Variants in CIT observed in about 807,000 individuals in gnomAD.
CIT encodes citron rho-interacting serine/threonine kinase, also known as citron Rho-interacting kinase.
CIT carries 79 observed loss-of-function variants against 272.7 expected under a neutral mutation model. The ratio of observed to expected loss-of-function variants is 0.29; its 90% CI spans 0.24 to 0.35. CIT has a LOEUF of 0.35. Among genes scored for constraint, CIT ranks in the 10% least tolerant of loss-of-function variants. The pLI, the probability that CIT is intolerant of heterozygous loss-of-function variation, is 1.00. For synonymous variants in CIT, 948 were observed against 995.6 expected (o/e 0.95, Z 0.90); for missense variants, 1,909 against 2,618.3 (o/e 0.73, Z 5.91).
intron 9 of CIT, among the ~76,000 whole-genome samples, chr12:119,808,032 G>C (rs908110701): frequency 6.6e-6 from 1 of 151,908 alleles, no homozygotes; most frequent in African/African-American, 2.4e-5. Context: ...TTTTGTTTTT[G>C]TTTTTGTTTT....
rs989925036 is a variant in CIT, at chr12:119,826,659, T to C, written c.754-1291A>G. Among the ~76,000 whole-genome samples the C allele has an allele frequency of 2.0e-5, 3 of 152,294 alleles. No individual in the cohort carries two copies. In the East Asian group the frequency reaches 5.8e-4, roughly 29 times the overall value. On this transcript the variant is annotated intron_variant, in intron 7 of 47. Transcript: ENST00000392521. ...CAGAGAGGCCCTGATTTTAGCTATATAGTGTGTTGGCCAGCTGTCCTATAA... is the reference window on the plus strand; with the variant it reads ...CAGAGAGGCCCTGATTTTAGCTATACAGTGTGTTGGCCAGCTGTCCTATAA...
chr12:119,818,482 T>C (rs192708237), intron 9 of CIT, among the ~76,000 whole-genome samples: 3 of 152,284 alleles, frequency 2.0e-5, no homozygotes, highest in African/African-American at 7.2e-5. Flanking sequence ...ATTGTCACTA[T>C]TGAGGGCCAG....
chr12:119,735,500 C>T, intron 24 of CIT, 143 bp from the exon 25 acceptor site: 1 of 737,610 alleles, frequency 1.4e-6, no homozygotes. Context: ...ACCGTGAGAG[C>T]CATGTCCAAG....
intron 28 of CIT, among the ~76,000 whole-genome samples, chr12:119,727,266 T>G (rs1958165434): frequency 6.6e-6 from 1 of 152,234 alleles, no homozygotes; most frequent in Non-Finnish European, 1.5e-5. Flanking sequence ...AAGTATTACA[T>G]GACCCCCATA....
At position 119,784,906 on chromosome 12, in the gene CIT, TACGG is replaced by T. The variant is rs1277804702; in HGVS notation, c.1401+50_1401+53del. 1 of 1,601,960 alleles carries T rather than the reference TACGG, an allele frequency of 6.2e-7. No homozygotes were observed. Among genetic ancestry groups the T allele is most frequent in the East Asian group, 2.2e-5 (1 of 44,688 alleles). On this transcript the variant is annotated intron_variant, in intron 11 of 47. Coordinates refer to ENST00000392521, the MANE Select transcript of CIT (RefSeq NM_001206999.2). This position sits in a 1 kb window ranked among gnomAD's most constrained non-coding sequence, Gnocchi z 4.7. ...GGCCCCGGGCGGATCCCTTGGCATA[TACGG>T]ACGGGAGGATCCTGGAGCAAGGAAG... is the stretch of plus-strand genomic sequence containing the variant.
chr12:119,813,275 T>C (rs1482747893), intron 9 of CIT, among the ~76,000 whole-genome samples: 4 of 152,244 alleles, frequency 2.6e-5, no homozygotes, highest in African/African-American at 9.6e-5. Context: ...AGTGCTGTAG[T>C]TGAATGTTCC....
At chr12:119,811,667 G>C (rs1966848791) in intron 9 of CIT, among the ~76,000 whole-genome samples, 1 of 152,102 alleles carries the variant, frequency 6.6e-6, no homozygotes, top group Non-Finnish European at 1.5e-5. Context: ...TTAAGTTTTT[G>C]GTAATCAAGT....
At chr12:119,823,060 G>T in intron 8 of CIT, 87 bp from the exon 9 acceptor site, 1 of 1,372,004 alleles carries the variant, frequency 7.3e-7, no homozygotes, top group Non-Finnish European at 9.9e-7. Flanking sequence ...TCTCATATAT[G>T]CAAGTTTCTT....
intron 39 of CIT, among the ~76,000 whole-genome samples, chr12:119,709,802 G>A (rs1957069932): frequency 8.3e-6 from 1 of 120,838 alleles, no homozygotes; most frequent in Non-Finnish European, 1.7e-5. Flanking sequence ...GTGTGTGTGT[G>A]TGTGTGTGTG....
chr12:119,784,270 C>T lies in CIT; in HGVS notation c.1402-219G>A, dbSNP rs770580306. 1.9e-5 allele frequency: 30 copies of T among 1,569,562 alleles called. No homozygotes were observed. Among genetic ancestry groups the T allele is most frequent in the South Asian group, 1.9e-4 (17 of 89,690 alleles). On this transcript the variant is annotated intron_variant, in intron 11 of 47. Coordinates refer to ENST00000392521, the MANE Select transcript of CIT (RefSeq NM_001206999.2). This position sits in a 1 kb window ranked among gnomAD's most constrained non-coding sequence, Gnocchi z 4.7. ...TAAGTCACTCCTCTCATTCAAGTCC[C>T]GGTTCACACTTGATCACTTCTCTAA...
At chr12:119,789,954 T>A (rs531381032) in intron 10 of CIT, among the ~76,000 whole-genome samples, 22 of 151,928 alleles carry the variant, frequency 1.4e-4, no homozygotes, top group African/African-American at 5.3e-4. Context: ...GACCTCATGA[T>A]CTGCCCGCCT....
intron 10 of CIT, among the ~76,000 whole-genome samples, chr12:119,800,478 C>T (rs893239147): frequency 6.6e-6 from 1 of 152,238 alleles, no homozygotes; most frequent in South Asian, 2.1e-4. Flanking sequence ...GGAGCTATCA[C>T]AGAATTTAAA....
chr12:119,784,835 A>G lies in CIT; in HGVS notation c.1401+125T>C. On this transcript the variant is annotated intron_variant, in intron 11 of 47. Transcript: ENST00000392521. This position sits in a 1 kb window ranked among gnomAD's most constrained non-coding sequence, Gnocchi z 4.7. ...CTGGAGGCGCGACTTCAGCGAAGGC[A>G]GGAGCGCCTCACTCTCTACGGATCA... is the stretch of plus-strand genomic sequence containing the variant. 6.9e-7 allele frequency: 1 copy of G among 1,458,582 alleles called. No individual in the cohort carries two copies. Among genetic ancestry groups the G allele is most frequent in the South Asian group, 1.5e-5 (1 of 67,454 alleles). 90.4% of individuals were successfully genotyped at this position (1,458,582 alleles called of 1,614,324 possible).
intron 8 of CIT, among the ~76,000 whole-genome samples, chr12:119,824,108 GTATATA>G (rs59234933): frequency 0.11 from 13,285 of 125,236 alleles, 723 homozygotes; most frequent in Middle Eastern, 0.12. Flanking sequence ...TAGTTTTACT[GTATATA>G]TATATATATA....
intron 10 of CIT, among the ~76,000 whole-genome samples, chr12:119,800,851 T>G (rs1015718705): frequency 1.3e-5 from 2 of 152,186 alleles, no homozygotes; most frequent in African/African-American, 4.8e-5. Context: ...TTTATTAGAT[T>G]TCTAATTAAT....
chr12:119,762,362 A>C (rs1664149329), intron 19 of CIT, among the ~76,000 whole-genome samples: 1 of 152,240 alleles, frequency 6.6e-6, no homozygotes, highest in African/African-American at 2.4e-5. Flanking sequence ...TCTGAGCATG[A>C]TTCTAAAATT....
At chr12:119,707,685 A>G (rs538063496) in intron 40 of CIT, among the ~76,000 whole-genome samples, 21 of 152,132 alleles carry the variant, frequency 1.4e-4, no homozygotes, top group Non-Finnish European at 2.6e-4. Flanking sequence ...TATTTTTAGT[A>G]GAGACAGGGT....
chr12:119,702,146 C>T (rs1042171982), intron 41 of CIT, among the ~76,000 whole-genome samples, 188 bp from the exon 42 acceptor site: 3 of 151,764 alleles, frequency 2.0e-5, no homozygotes, highest in Non-Finnish European at 4.4e-5. Context: ...GCTCTGTCAC[C>T]TAGGTTAGAG....
At chr12:119,815,674 C>T (rs1052261665) in intron 9 of CIT, among the ~76,000 whole-genome samples, 2 of 151,876 alleles carry the variant, frequency 1.3e-5, no homozygotes, top group African/African-American at 4.8e-5. Context: ...CCATTGCACT[C>T]CAGCCTGGGC....
Sources: gnomAD v4.1 joint callset for allele counts (sites outside exome capture counted in the v4.1 genomes callset) on GRCh38, gnomAD v4.1.1 for gene constraint, Gnocchi (gnomAD v3.1) non-coding constraint, MANE v1.5 for transcripts, NCBI Gene and HGNC (gene_info 2026-07-23, HGNC 2026-07-21) for gene names.